The following PRKCI variants were observed in gnomAD, a reference collection of about 807,000 sequenced individuals.
PRKCI encodes the protein protein kinase C iota.
PRKCI carries 43 observed loss-of-function variants against 84.0 expected under a neutral mutation model. The ratio of observed to expected loss-of-function variants is 0.51; its 90% CI spans 0.40 to 0.66. The LOEUF is 0.66. Among genes scored for constraint, PRKCI ranks in the 30% least tolerant of loss-of-function variants. The pLI is 0.00. For missense variants in PRKCI, 459 were observed against 745.6 expected, an observed-to-expected ratio of 0.62 and a Z score of 4.48; for synonymous variants, 216 against 234.4, an observed-to-expected ratio of 0.92 and a Z score of 0.72.
intron 2 of PRKCI, among the ~76,000 whole-genome samples, chr3:170,252,263 G>A (rs1234301264): frequency 6.6e-6 from 1 of 151,440 alleles, no homozygotes; most frequent in East Asian, 1.9e-4. Context: ...TTGAATGAAT[G>A]TATGTGTCAT....
At chr3:170,275,346 T>C in intron 8 of PRKCI, 59 bp downstream of exon 8, 1 of 1,505,202 alleles carries the variant, frequency 6.6e-7, no homozygotes, top group Admixed American at 2.2e-5. Flanking sequence ...GGCTCAGGAG[T>C]TTAAAAGTAT....
At chr3:170,239,504 A>G (rs1733065867) in intron 2 of PRKCI, among the ~76,000 whole-genome samples, 2 of 152,220 alleles carry the variant, frequency 1.3e-5, no homozygotes, top group Non-Finnish European at 2.9e-5. Context: ...ATTGCAGCAC[A>G]CATAGGCATC....
chr3:170,285,749 G>GT (rs528177041), intron 12 of PRKCI, among the ~76,000 whole-genome samples: 1,483 of 142,130 alleles, frequency 0.01, 8 homozygotes, highest in African/African-American at 0.016. Flanking sequence ...AATTATTGTT[G>GT]TTTTTTTTTT....
At chr3:170,263,181 A>C (rs980740129) in intron 3 of PRKCI, among the ~76,000 whole-genome samples, 198 bp from the exon 4 acceptor site, 4 of 151,980 alleles carry the variant, frequency 2.6e-5, no homozygotes, top group African/African-American at 7.2e-5. Context: ...AAAAAAAAAA[A>C]AACCTTCTTT....
chr3:170,263,086 G>A (rs1733773316), intron 3 of PRKCI, among the ~76,000 whole-genome samples: 2 of 150,976 alleles, frequency 1.3e-5, no homozygotes, highest in African/African-American at 2.4e-5. Flanking sequence ...GGAGAATGGC[G>A]TGAACCCGGG....
Position 170,283,062 on chromosome 3 carries a change from G to A in PRKCI, c.1067+1094G>A, listed in dbSNP as rs150837005. On this transcript the variant is annotated intron_variant, in intron 11 of 17. Coordinates refer to ENST00000295797, the MANE Select transcript of PRKCI (RefSeq NM_002740.6). Reference sequence around the variant, plus strand: ...GGAGGTTGCAGTGAGCTGAGATTGCGCCACTGCACTCCAGCCTGGGTGAAA... The same window carrying A: ...GGAGGTTGCAGTGAGCTGAGATTGCACCACTGCACTCCAGCCTGGGTGAAA... 2.6e-3 allele frequency among the ~76,000 whole-genome samples: 388 copies of A among 149,036 alleles called. 1 individual carries two copies. Among genetic ancestry groups the A allele is most frequent in the East Asian group, 0.02 (98 of 4,992 alleles).
At chr3:170,259,069 A>C (rs1733659042) in intron 2 of PRKCI, among the ~76,000 whole-genome samples, 1 of 151,964 alleles carries the variant, frequency 6.6e-6, no homozygotes, top group South Asian at 2.1e-4. Context: ...GCTTGAACCC[A>C]GGAGGCGGAG....
intron 5 of PRKCI, among the ~76,000 whole-genome samples, chr3:170,270,163 G>A (rs970567349): frequency 1.1e-4 from 16 of 152,264 alleles, no homozygotes; most frequent in African/African-American, 3.8e-4. Context: ...ACTTGATTAT[G>A]TAAAGACTGA....
In PRKCI at chr3:170,270,405, G is replaced by T; in HGVS notation, c.451-16G>T. 1 of 1,584,660 alleles carries T rather than the reference G, an allele frequency of 6.3e-7. No individual in the cohort carries two copies. Among genetic ancestry groups the T allele is most frequent in the South Asian group, 1.1e-5 (1 of 87,052 alleles). ...CCTTCTTGGTTAATAAAATATTGTT[G>T]AATTACTCTTTTCAGCGTGCTCACT... On this transcript the variant is annotated splice_polypyrimidine_tract_variant and intron_variant, in intron 5 of 17. Coordinates refer to ENST00000295797, the MANE Select transcript of PRKCI (RefSeq NM_002740.6).
intron 1 of PRKCI, among the ~76,000 whole-genome samples, chr3:170,231,241 T>G (rs1732787662): frequency 6.6e-6 from 1 of 151,964 alleles, no homozygotes; most frequent in Admixed American, 6.6e-5. Flanking sequence ...GATTACAGGC[T>G]TGAGCCACCG....
At chr3:170,284,363 A>G in intron 11 of PRKCI, 98 bp from the exon 12 acceptor site, 1 of 1,096,570 alleles carries the variant, frequency 9.1e-7, no homozygotes, top group Non-Finnish European at 1.3e-6. Flanking sequence ...TCACTGGGAG[A>G]AAAAAATATG....
chr3:170,246,007 T>A (rs978603086), intron 2 of PRKCI, among the ~76,000 whole-genome samples: 5 of 147,362 alleles, frequency 3.4e-5, no homozygotes, highest in Non-Finnish European at 7.4e-5. Flanking sequence ...CAGGCTGGAA[T>A]GCAGTGGTGT....
At chr3:170,231,447 C>CTTAT (rs926786124) in intron 1 of PRKCI, among the ~76,000 whole-genome samples, 8 of 151,684 alleles carry the variant, frequency 5.3e-5, no homozygotes, top group Non-Finnish European at 1.2e-4. Context: ...TTTTCTATAT[C>CTTAT]TTATTTATTT....
chr3:170,305,846 G>A lies in PRKCI; in HGVS notation c.*2719G>A, dbSNP rs1049143276. 10 of 151,568 alleles carry A rather than the reference G, an allele frequency of 6.6e-5. No homozygotes were observed. Among genetic ancestry groups the A allele is most frequent in the Non-Finnish European group, 1.0e-4 (7 of 67,972 alleles). 9.4% of individuals were successfully genotyped at this position (151,568 alleles called of 1,614,324 possible). A position where few individuals can be genotyped will look rare whatever the true frequency, so the allele number is the denominator to read the frequency against. The stretch of plus-strand genomic sequence containing the variant: ...GTTAAGTAAATGCTTGTTCAGTGCC[G>A]GTACATTTACTTAAATCTGTTTTTA... On this transcript the variant is annotated 3_prime_UTR_variant, in exon 18 of 18. Transcript: ENST00000295797.
At chr3:170,244,582 G>C (rs563805635) in intron 2 of PRKCI, among the ~76,000 whole-genome samples, 11 of 152,202 alleles carry the variant, frequency 7.2e-5, no homozygotes, top group Admixed American at 5.9e-4. Context: ...ACATGAGGAG[G>C]GGGTTGTGGG....
intron 4 of PRKCI, among the ~76,000 whole-genome samples, chr3:170,266,216 CATATT>C (rs1170225604): frequency 6.6e-6 from 1 of 152,066 alleles, no homozygotes; most frequent in Admixed American, 6.6e-5. Context: ...ATTTGAGAAA[CATATT>C]AATATAAAGA....
Position 170,293,456 on chromosome 3 carries a change from T to C in PRKCI, c.1365T>C (p.Ile455=). The C allele has an allele frequency of 6.2e-7, 1 of 1,613,698 alleles. No homozygotes were observed. The highest frequency in any genetic ancestry group is 8.5e-7 in the Non-Finnish European group (1 of 1,179,660). Reference sequence around the variant, plus strand: ...TGGCAGGAAGGTCTCCATTTGATATTGTTGGGAGCTCCGATAACCCTGACC... The same window carrying C: ...TGGCAGGAAGGTCTCCATTTGATATCGTTGGGAGCTCCGATAACCCTGACC... The part of the protein sequence containing the change: ...EMMAGRSPFD[I]VGSSDNPDQN... Residue 455 remains isoleucine (I), a synonymous_variant, in exon 14 of 18, where the codon ATT becomes ATC. Coordinates refer to ENST00000295797, the MANE Select transcript of PRKCI (RefSeq NM_002740.6).
chr3:170,242,116 AT>A (rs997749926), intron 2 of PRKCI, among the ~76,000 whole-genome samples: 1 of 151,936 alleles, frequency 6.6e-6, no homozygotes, highest in Non-Finnish European at 1.5e-5. Context: ...TCTCAAAAAA[AT>A]TTTTTTTGTA....
chr3:170,258,284 G>A lies in PRKCI; in HGVS notation c.224-1685G>A, dbSNP rs185969569. 1.3e-3 allele frequency among the ~76,000 whole-genome samples: 189 copies of A among 151,018 alleles called. 2 individuals are homozygous for A. The highest frequency in any genetic ancestry group is 3.9e-3 in the African/African-American group (160 of 40,974). Reference sequence around the variant, plus strand: ...CAGAGTGAAGGACTCACTTTCACTCGCTCAGGTCCAAACTAGGCTTTAAAT... The same window carrying A: ...CAGAGTGAAGGACTCACTTTCACTCACTCAGGTCCAAACTAGGCTTTAAAT... On this transcript the variant is annotated intron_variant, in intron 2 of 17. Coordinates refer to ENST00000295797, the MANE Select transcript of PRKCI (RefSeq NM_002740.6).
Sources: allele counts gnomAD v4.1 joint callset (sites outside exome capture counted in the v4.1 genomes callset), GRCh38; gene constraint gnomAD v4.1.1; transcripts MANE v1.5; gene names NCBI Gene and HGNC (gene_info 2026-07-23, HGNC 2026-07-21).